Variants in ERCC2 observed in about 807,000 individuals in gnomAD.
The protein encoded by ERCC2 is general transcription and DNA repair factor IIH helicase subunit XPD.
A neutral mutation model predicts 99.4 loss-of-function variants in ERCC2; 90 were observed. That is an observed-to-expected ratio of 0.91 (90% CI 0.76 to 1.08). The LOEUF is 1.08. Ranked by LOEUF, ERCC2 falls within the 50% of genes least tolerant of loss-of-function variation. The probability of loss-of-function intolerance (pLI) is 0.00; values close to 1 mark genes in which losing one functional copy is unlikely to be tolerated. For missense variants in ERCC2, 993 were observed against 1,038.1 expected, an observed-to-expected ratio of 0.96 and a Z score of 0.60; for synonymous variants, 497 against 432.4, an observed-to-expected ratio of 1.15 and a Z score of -1.85.
chr19:45,350,515 T>G lies in ERCC2; in HGVS notation c.*1114A>C. On this transcript the variant is annotated 3_prime_UTR_variant, in exon 23 of 23. Transcript: ENST00000391945. ...AGTGTCCCCCATCTTTCCCCCTAGG[T>G]GCCCCCAACACAGGCACAGCTGGTG... is the stretch of plus-strand genomic sequence containing the variant. 1 of 1,613,086 alleles carries G rather than the reference T, an allele frequency of 6.2e-7. No individual in the cohort carries two copies. Among genetic ancestry groups the G allele is most frequent in the Non-Finnish European group, 8.5e-7 (1 of 1,179,702 alleles).
chr19:45,367,183 A>T (rs1474101465), intron 5 of ERCC2, among the ~76,000 whole-genome samples: 1 of 152,094 alleles, frequency 6.6e-6, no homozygotes, highest in African/African-American at 2.4e-5. Flanking sequence ...CTAAAAACAC[A>T]CAAATTAGCC....
rs1426992635 is a variant in ERCC2, at chr19:45,350,005, C to G, written c.*1624G>C. The G allele has an allele frequency of 6.8e-6, 3 of 441,250 alleles. No homozygotes were observed. The East Asian group carries it at 1.2e-4, about 17-fold the overall frequency. The allele number at this position is 441,250 out of a possible 1,614,324, so 27.3% of individuals were successfully genotyped here. A position where few individuals can be genotyped will look rare whatever the true frequency, so the allele number is the denominator to read the frequency against. ...TGCCACCAGCCCAAAGTACAGCAGACAGGCTCAGAAACAGGAGGCTGCCTG... is the reference window on the plus strand; with the variant it reads ...TGCCACCAGCCCAAAGTACAGCAGAGAGGCTCAGAAACAGGAGGCTGCCTG... On this transcript the variant is annotated 3_prime_UTR_variant, in exon 23 of 23. Coordinates refer to ENST00000391945, the MANE Select transcript of ERCC2 (RefSeq NM_000400.4).
rs1463411089 is a variant in ERCC2, at chr19:45,352,374, A to C, written c.2047-22T>G. On this transcript the variant is annotated intron_variant, in intron 21 of 22. Transcript: ENST00000391945. ...ACCGCTGTGGGCAGAAGCGCAGGCC[A>C]GGGACAGAAGGTCATTCGGGGAGCC... 1.9e-6 allele frequency: 3 copies of C among 1,613,676 alleles called. No individual in the cohort carries two copies. In the African/African-American group the frequency reaches 4.0e-5, roughly 22 times the overall value.
chr19:45,363,938 C>T (rs1445763932), intron 10 of ERCC2, 27 bp from the exon 11 acceptor site: 3 of 1,519,676 alleles, frequency 2.0e-6, no homozygotes, highest in Non-Finnish European at 2.6e-6. Context: ...TCAGCGGCGA[C>T]GGGGAGGCGG....
chr19:45,351,234 G>T lies in ERCC2; in HGVS notation c.*395C>A. 2.5e-6 allele frequency: 4 copies of T among 1,588,730 alleles called. No individual in the cohort carries two copies. Among genetic ancestry groups the T allele is most frequent in the Non-Finnish European group, 1.7e-6 (2 of 1,167,294 alleles). ...CTGGACCTGGAGCTGGAGGGTGGAT[G>T]TAACACTTGCCCCTCACCTCCCCTC... On this transcript the variant is annotated 3_prime_UTR_variant, in exon 23 of 23. Transcript: ENST00000391945.
rs55654097 is a variant in ERCC2 at position 45,351,756 on chromosome 19, T to G, written c.2191-35A>C. 5.2e-4 allele frequency: 835 copies of G among 1,598,742 alleles called. 3 individuals are homozygous for G. In the African/African-American group the frequency reaches 8.1e-3, roughly 16 times the overall value. On this transcript the variant is annotated intron_variant, in intron 22 of 22. Transcript: ENST00000391945. ...ACAGAGGAAAGGGAGAGGGGGGCAC[T>G]GTTGGGCAGGGGCCCAGGCAGCTGC...
Position 45,351,222 on chromosome 19 carries a change from T to A in ERCC2, c.*407A>T, listed in dbSNP as rs1218937952. The A allele has an allele frequency of 6.3e-7, 1 of 1,591,606 alleles. No homozygotes were observed. The highest frequency in any genetic ancestry group is 1.3e-5 in the African/African-American group (1 of 74,116). Reference sequence around the variant, plus strand: ...TTGGCTGCCAGGCTGGACCTGGAGCTGGAGGGTGGATGTAACACTTGCCCC... The same window carrying A: ...TTGGCTGCCAGGCTGGACCTGGAGCAGGAGGGTGGATGTAACACTTGCCCC... On this transcript the variant is annotated 3_prime_UTR_variant, in exon 23 of 23. Transcript: ENST00000391945.
rs1231599007 is a variant in ERCC2 at position 45,364,476 on chromosome 19, G to A, written c.666C>T (p.Ser222=). ...CGACGGCCTTGCGGGCCAGTTCCTTGGACACCAGGTCTGCAATCTTGGGGT... is the reference window on the plus strand; with the variant it reads ...CGACGGCCTTGCGGGCCAGTTCCTTAGACACCAGGTCTGCAATCTTGGGGT... ...LLDPKIADLV[S]KELARKAVVV... The change falls in exon 8 of 23, where the codon TCC becomes TCT. Residue 222 remains serine, a synonymous_variant. Coordinates refer to ENST00000391945, the MANE Select transcript of ERCC2 (RefSeq NM_000400.4). 6.2e-7 allele frequency: 1 copy of A among 1,613,980 alleles called. No homozygotes were observed. The highest frequency in any genetic ancestry group is 1.7e-4 in the Middle Eastern group (1 of 6,030).
chr19:45,350,606 T>TG lies in ERCC2; in HGVS notation c.*1022dup, dbSNP rs1971694423. On this transcript the variant is annotated 3_prime_UTR_variant, in exon 23 of 23. Coordinates refer to ENST00000391945, the MANE Select transcript of ERCC2 (RefSeq NM_000400.4). ...GGTGGGCGTGGGGACTGCATGGGCC[T>TG]GGGGGACTGAGCAGCATCCCCGGCC... The TG allele has an allele frequency of 6.2e-7, 1 of 1,613,044 alleles. No individual in the cohort carries two copies. Among genetic ancestry groups the TG allele is most frequent in the Non-Finnish European group, 8.5e-7 (1 of 1,179,342 alleles).
chr19:45,352,329 C>T lies in ERCC2; in HGVS notation c.2070G>A (p.Arg690=), dbSNP rs763468590. ...CCTGGATCCAGCGGGGCAGCTTCCC[C>T]CGCTTGTCCCCACGGGCAAACCGCT... The part of the protein sequence containing the change: ...ADKRFARGDK[R]GKLPRWIQEH... Residue 690 remains arginine, a synonymous_variant, in exon 22 of 23, where the codon CGG becomes CGA. Transcript: ENST00000391945. The T allele has an allele frequency of 2.2e-5, 35 of 1,613,926 alleles. No individual in the cohort carries two copies. The highest frequency in any genetic ancestry group is 2.7e-5 in the African/African-American group (2 of 74,922).
intron 11 of ERCC2, 170 bp from the exon 12 acceptor site, chr19:45,361,812 T>C: frequency 1.5e-6 from 1 of 662,644 alleles, no homozygotes. Context: ...GCTGTACACC[T>C]GCATGTCACA....
Position 45,352,594 on chromosome 19 carries a change from G to C in ERCC2, c.1958C>G (p.Thr653Ser). 8 of 1,614,038 alleles carry C rather than the reference G, an allele frequency of 5.0e-6. No individual in the cohort carries two copies. Among genetic ancestry groups the C allele is most frequent in the Non-Finnish European group, 6.8e-6 (8 of 1,180,028 alleles). The change falls in exon 21 of 23, where the codon ACC becomes AGC. Residue 653 changes from threonine (T) to serine (S), a missense_variant. By Grantham distance (58) the Thr-to-Ser change is moderately conservative. Around this residue, in one of 3 missense-constraint regions of ERCC2, gnomAD observed 909 missense variants for 930.8 expected, o/e 0.98. Transcript: ENST00000391945. ...QFQIRENDFLTFDAMRHAAQC... is the reference protein window; with the variant it reads ...QFQIRENDFLSFDAMRHAAQC... ...GGCCGCGTGGCGCATGGCATCGAAG[G>C]TAAGAAAGTCATTCTCACGAATCTG...
At position 45,350,971 on chromosome 19, in the gene ERCC2, C is replaced by G. The variant is rs1338289526; in HGVS notation, c.*658G>C. 1.2e-6 allele frequency: 2 copies of G among 1,614,144 alleles called. No homozygotes were observed. Among genetic ancestry groups the G allele is most frequent in the South Asian group, 1.1e-5 (1 of 91,086 alleles). ...CTTTGCAGAATGAAGAGAGCCATGT[C>G]ACTCAACACACTGAACGTGGATGCT... On this transcript the variant is annotated 3_prime_UTR_variant, in exon 23 of 23. Coordinates refer to ENST00000391945, the MANE Select transcript of ERCC2 (RefSeq NM_000400.4).
At chr19:45,368,882 G>A in intron 4 of ERCC2, 48 bp downstream of exon 4, 1 of 1,603,618 alleles carries the variant, frequency 6.2e-7, no homozygotes, top group South Asian at 1.1e-5. Context: ...GGACCAATAG[G>A]GCCTAGGGAA....
chr19:45,352,109 G>A, intron 22 of ERCC2, 100 bp downstream of exon 22: 2 of 1,346,854 alleles, frequency 1.5e-6, no homozygotes, highest in Middle Eastern at 2.4e-4. Flanking sequence ...AGGGCAGGAG[G>A]ACAGGCAGGC....
At chr19:45,361,844 G>A in intron 11 of ERCC2, 2 of 603,508 alleles carry the variant, frequency 3.3e-6, no homozygotes, top group South Asian at 3.4e-5. Flanking sequence ...CCGCATAATG[G>A]CACAGACAGA....
Position 45,352,525 on chromosome 19 carries a change from A to G in ERCC2, c.2027T>C (p.Leu676Pro), listed in dbSNP as rs1971844296. The G allele has an allele frequency of 6.2e-7, 1 of 1,614,176 alleles. No individual in the cohort carries two copies. The highest frequency in any genetic ancestry group is 8.5e-7 in the Non-Finnish European group (1 of 1,180,040). ...CTGCACCTTGTCGGCAAAGACCATGAGGCCGTAGTCCGTCTTGCCCCTGAT... is the reference window on the plus strand; with the variant it reads ...CTGCACCTTGTCGGCAAAGACCATGGGGCCGTAGTCCGTCTTGCCCCTGAT... ...RAIRGKTDYG[L>P]MVFADKRFAR... Residue 676 changes from leucine to proline, a missense_variant, in exon 21 of 23, where the codon CTC (leucine) becomes CCC (proline). Transcript: ENST00000391945.
intron 16 of ERCC2, among the ~76,000 whole-genome samples, chr19:45,355,455 C>A (rs1032908094): frequency 2.0e-5 from 3 of 152,250 alleles, no homozygotes; most frequent in Admixed American, 2.0e-4. Context: ...TATGCTGCCT[C>A]TGACACACCC....
rs369477332 is a variant in ERCC2 at position 45,364,023 on chromosome 19, G to C, written c.912C>G (p.His304Gln). The C allele has an allele frequency of 6.4e-7, 1 of 1,552,352 alleles. No individual in the cohort carries two copies. The highest frequency in any genetic ancestry group is 8.7e-7 in the Non-Finnish European group (1 of 1,149,708). Residue 304 changes from histidine to glutamine, a missense_variant, in exon 10 of 23, where the codon CAC becomes CAG. Transcript: ENST00000391945. ...CGTCGGGCAGCACGGGGTTGGCCAG[G>C]TGGGCGTCCGTCTCCCGGGCGGCGC... ...EASAARETDA[H>Q]LANPVLPDEV...
Sources: allele counts gnomAD v4.1 joint callset (sites outside exome capture counted in the v4.1 genomes callset), GRCh38; gene constraint gnomAD v4.1.1; regional missense constraint gnomAD v4.1.1; transcripts MANE v1.5; gene names NCBI Gene and HGNC (gene_info 2026-07-23, HGNC 2026-07-21).